The following MAGI2 variants were observed in gnomAD, a reference collection of about 807,000 sequenced individuals.
MAGI2 encodes the protein membrane-associated guanylate kinase, WW and PDZ domain-containing protein 2.
Under a neutral mutation model 133.3 loss-of-function variants are expected in MAGI2, and 35 were observed. That is an observed-to-expected ratio of 0.26 (90% CI 0.20 to 0.35). The LOEUF (loss-of-function observed/expected upper bound fraction) is 0.35, where lower values mean the gene tolerates loss of function less well. Among genes scored for constraint, MAGI2 ranks in the 10% least tolerant of loss-of-function variants. The pLI is 1.00. For missense variants in MAGI2, 1,636 were observed against 1,863.4 expected (o/e 0.88, Z 2.25); for synonymous variants, 729 against 710.6 (o/e 1.03, Z -0.41).
At chr7:79,045,164 A>G (rs554913625) in intron 1 of MAGI2, among the ~76,000 whole-genome samples, 1 of 152,254 alleles carries the variant, frequency 6.6e-6, no homozygotes, top group Non-Finnish European at 1.5e-5. Flanking sequence ...TCATTTATAT[A>G]AAAGTAAATG....
chr7:78,231,389 T>G (rs1428051756), intron 10 of MAGI2, among the ~76,000 whole-genome samples: 1 of 152,222 alleles, frequency 6.6e-6, no homozygotes, highest in East Asian at 1.9e-4. Context: ...GCTGGGTGTT[T>G]TTGCATTCCT....
chr7:78,273,111 C>T (rs546800590), intron 9 of MAGI2, among the ~76,000 whole-genome samples: 1 of 152,322 alleles, frequency 6.6e-6, no homozygotes, highest in African/African-American at 2.4e-5. Flanking sequence ...GTGCTTCCTT[C>T]AGGAGCTCTT....
intron 20 of MAGI2, among the ~76,000 whole-genome samples, chr7:78,097,846 C>T (rs1289387015): frequency 1.3e-5 from 2 of 151,990 alleles, no homozygotes; most frequent in African/African-American, 4.8e-5. Flanking sequence ...ATTTGCCAAT[C>T]CCCAGTCTAG....
chr7:79,117,411 T>C (rs983044473), intron 1 of MAGI2, among the ~76,000 whole-genome samples: 2 of 152,164 alleles, frequency 1.3e-5, no homozygotes, highest in Non-Finnish European at 2.9e-5. Flanking sequence ...TCTGACACTG[T>C]AGGCATGTGA....
At chr7:78,400,973 G>A (rs762608608) in intron 6 of MAGI2, among the ~76,000 whole-genome samples, 6 of 151,816 alleles carry the variant, frequency 4.0e-5, no homozygotes, top group African/African-American at 9.7e-5. Flanking sequence ...AGGGAAAGCC[G>A]ATTTCCTTTC....
intron 21 of MAGI2, among the ~76,000 whole-genome samples, chr7:78,031,032 A>G (rs542577019): frequency 1.3e-5 from 2 of 152,374 alleles, no homozygotes; most frequent in East Asian, 3.9e-4. Context: ...GTTCTCAGCT[A>G]TGAGATGGAA....
At chr7:78,756,658 T>C (rs541634384) in intron 2 of MAGI2, among the ~76,000 whole-genome samples, 2 of 152,260 alleles carry the variant, frequency 1.3e-5, no homozygotes, top group Non-Finnish European at 2.9e-5. Context: ...AAATACTTTC[T>C]AACAGACAAC....
chr7:78,325,679 C>A (rs1030156073), intron 9 of MAGI2, among the ~76,000 whole-genome samples: 1 of 152,168 alleles, frequency 6.6e-6, no homozygotes, highest in Admixed American at 6.5e-5. Context: ...AGCAAAGAAA[C>A]CAATGCATTA....
chr7:79,254,226 A>G (rs192543889), intron 1 of MAGI2, among the ~76,000 whole-genome samples: 38 of 152,242 alleles, frequency 2.5e-4, no homozygotes, highest in African/African-American at 8.4e-4. Context: ...GGGTTGTTCA[A>G]CTTTTTCTAT....
At position 78,306,306 on chromosome 7, in the gene MAGI2, G is replaced by A. The variant is rs932970429; in HGVS notation, c.1408+37472C>T. ...TATGTGAGTGATGAACTCAAGCAAA[G>A]CATGTCAGATGGTATAAAATGGGTT... On this transcript the variant is annotated intron_variant, in intron 9 of 21. Transcript: ENST00000354212. Among the ~76,000 whole-genome samples the A allele has an allele frequency of 5.3e-5, 8 of 152,268 alleles. No homozygotes were observed. In the South Asian group the frequency reaches 1.5e-3, roughly 28 times the overall value.
intron 1 of MAGI2, among the ~76,000 whole-genome samples, chr7:79,404,357 A>G (rs1845666734): frequency 6.6e-6 from 1 of 151,992 alleles, no homozygotes; most frequent in Non-Finnish European, 1.5e-5. Flanking sequence ...CTGTTTAGAG[A>G]CAAGATCTCA....
chr7:78,475,429 A>G (rs529021881), intron 6 of MAGI2, among the ~76,000 whole-genome samples: 1 of 151,990 alleles, frequency 6.6e-6, no homozygotes, highest in African/African-American at 2.4e-5. Flanking sequence ...TTTATTAAGT[A>G]TAAGAAATAT....
At chr7:78,119,147 G>T (rs62461209) in intron 20 of MAGI2, among the ~76,000 whole-genome samples, 3,905 of 152,304 alleles carry the variant, frequency 0.026, 72 homozygotes, top group Non-Finnish European at 0.039. Flanking sequence ...GGTTGCCAGG[G>T]GTTAGTGGGG....
intron 6 of MAGI2, among the ~76,000 whole-genome samples, chr7:78,407,728 A>G (rs1396264141): frequency 2.0e-5 from 3 of 151,710 alleles, no homozygotes; most frequent in African/African-American, 7.3e-5. Context: ...AGGGATTTGC[A>G]TATTGACAAA....
intron 1 of MAGI2, among the ~76,000 whole-genome samples, chr7:79,179,073 A>G (rs2129550203): frequency 6.6e-6 from 1 of 152,092 alleles, no homozygotes; most frequent in East Asian, 1.9e-4. Flanking sequence ...AACAATCCTC[A>G]CCATCATGGT....
At chr7:78,807,628 T>A (rs922861693) in intron 2 of MAGI2, among the ~76,000 whole-genome samples, 1 of 152,180 alleles carries the variant, frequency 6.6e-6, no homozygotes, top group African/African-American at 2.4e-5. Context: ...AAAGCCTCAA[T>A]GGCTCTTCCT....
chr7:79,404,237 C>A (rs2129165621), intron 1 of MAGI2, among the ~76,000 whole-genome samples: 1 of 152,206 alleles, frequency 6.6e-6, no homozygotes, highest in African/African-American at 2.4e-5. Flanking sequence ...ATAAACAGAA[C>A]TTTGATCAAG....
At chr7:78,489,611 GTTAA>G in intron 6 of MAGI2, 146 bp downstream of exon 6, 1 of 681,640 alleles carries the variant, frequency 1.5e-6, no homozygotes, top group South Asian at 1.9e-5. Flanking sequence ...GAAATGCCGA[GTTAA>G]TTCTCTCTCT....
At chr7:78,174,446 A>G (rs1454999213) in intron 14 of MAGI2, among the ~76,000 whole-genome samples, 1 of 152,240 alleles carries the variant, frequency 6.6e-6, no homozygotes, top group African/African-American at 2.4e-5. Context: ...TCAGTGTCCC[A>G]CAGAAGTGAT....
Sources: allele counts gnomAD v4.1 joint callset (sites outside exome capture counted in the v4.1 genomes callset), GRCh38; gene constraint gnomAD v4.1.1; transcripts MANE v1.5; gene names NCBI Gene and HGNC (gene_info 2026-07-23, HGNC 2026-07-21).